The following ATG7 variants were observed in gnomAD, a reference collection of about 807,000 sequenced individuals.
ATG7 encodes the protein ubiquitin-like modifier-activating enzyme ATG7.
Under a neutral mutation model 82.4 loss-of-function variants are expected in ATG7, and 70 were observed. The observed-to-expected ratio is 0.85, with a 90% CI of 0.70 to 1.04. The LOEUF is 1.04. Among genes scored for constraint, ATG7 ranks in the 50% least tolerant of loss-of-function variants. The pLI is 0.00. For synonymous variants in ATG7, 287 were observed against 313.0 expected, an observed-to-expected ratio of 0.92 and a Z score of 0.88; for missense variants, 792 against 864.3, an observed-to-expected ratio of 0.92 and a Z score of 1.05.
the ATG7 span, among the ~76,000 whole-genome samples, chr3:11,565,613 C>T: frequency 8.5e-5 from 13 of 152,228 alleles, no homozygotes; most frequent in Non-Finnish European, 1.3e-4. The surrounding 1 kb of genome is among the most constrained non-coding windows in gnomAD (Gnocchi z 4.1). Flanking sequence ...GGCACGTGCT[C>T]TGGGGTTCCC....
intron 1 of ATG7, among the ~76,000 whole-genome samples, chr3:11,279,449 G>C (rs1942584096): frequency 6.6e-6 from 1 of 152,218 alleles, no homozygotes; most frequent in Admixed American, 6.5e-5. Context: ...ACTTTGGGAG[G>C]CCGAGGCGGG....
intron 18 of ATG7, among the ~76,000 whole-genome samples, chr3:11,365,942 G>A (rs968188066): frequency 1.3e-5 from 2 of 152,096 alleles, no homozygotes. Context: ...CTTGTGGGCC[G>A]GGCGCGGTGA....
At chr3:11,558,239 C>T (rs567702089), downstream of ATG7, 7 of 428,852 alleles carry the variant, frequency 1.6e-5, no homozygotes, top group African/African-American at 3.9e-5. Flanking sequence ...ACTGAGAAAG[C>T]GCTGTGGAGT....
chr3:11,482,025 C>T lies in ATG7; in HGVS notation c.2079+55099C>T, dbSNP rs531008394. The stretch of plus-strand genomic sequence containing the variant: ...GACAAAGGGCTGTAATGAAATGGGG[C>T]TTCAAGGAGCCCTTAATTCTCCACG... On this transcript the variant is annotated intron_variant, in intron 20 of 20. Coordinates refer to ENST00000693202, the MANE Select transcript of ATG7 (RefSeq NM_001349232.2). 1.7e-3 allele frequency among the ~76,000 whole-genome samples: 257 copies of T among 152,298 alleles called. 1 individual carries two copies. Among genetic ancestry groups the T allele is most frequent in the African/African-American group, 5.3e-3 (219 of 41,552 alleles).
In ATG7 at chr3:11,303,668, T is replaced by TAA. The variant is rs1309840061; in HGVS notation, c.216-3263_216-3262dup. ...GGGCGACAGAGCGAGACTCCGTCTCTAAAAAAAAAAAAAGAATTTTCCTTT... is the reference window on the plus strand; with the variant it reads ...GGGCGACAGAGCGAGACTCCGTCTCTAAAAAAAAAAAAAAAGAATTTTCCTTT... On this transcript the variant is annotated intron_variant, in intron 5 of 20. Transcript: ENST00000693202. 2.1e-3 allele frequency among the ~76,000 whole-genome samples: 284 copies of TAA among 132,752 alleles called. 1 individual carries two copies. Among genetic ancestry groups the TAA allele is most frequent in the African/African-American group, 7.0e-3 (254 of 36,362 alleles). The allele number at this position is 132,752 out of a possible 152,430, so 87.1% of individuals were successfully genotyped here.
chr3:11,493,941 CTG>C (rs1337931803), intron 20 of ATG7, among the ~76,000 whole-genome samples: 1 of 152,140 alleles, frequency 6.6e-6, no homozygotes, highest in African/African-American at 2.4e-5. Flanking sequence ...TGACTGGAAA[CTG>C]TGTTATAAGA....
intron 20 of ATG7, among the ~76,000 whole-genome samples, chr3:11,450,090 A>G (rs1393765130): frequency 6.6e-6 from 1 of 152,196 alleles, no homozygotes; most frequent in Non-Finnish European, 1.5e-5. Context: ...TCTCTTGAGA[A>G]CTTGCTGTGT....
intron 11 of ATG7, among the ~76,000 whole-genome samples, chr3:11,334,567 C>A (rs1162315492): frequency 6.6e-6 from 1 of 151,338 alleles, no homozygotes; most frequent in Non-Finnish European, 1.5e-5. Context: ...TTAGCTTGTT[C>A]CTTATATCAT....
At chr3:11,575,621 A>G in the ATG7 span, among the ~76,000 whole-genome samples, 6 of 152,222 alleles carry the variant, frequency 3.9e-5, no homozygotes, top group Non-Finnish European at 8.8e-5. Flanking sequence ...CCGCTTAAAG[A>G]AAGATCCCAG....
At chr3:11,548,095 T>C (rs1325210582) in intron 20 of ATG7, among the ~76,000 whole-genome samples, 1 of 152,192 alleles carries the variant, frequency 6.6e-6, no homozygotes, top group African/African-American at 2.4e-5. Context: ...CTTCCCACCT[T>C]GGCCTCCCAA....
intron 20 of ATG7, among the ~76,000 whole-genome samples, chr3:11,512,424 G>A (rs1189658512): frequency 6.6e-6 from 1 of 152,190 alleles, no homozygotes; most frequent in Non-Finnish European, 1.5e-5. Flanking sequence ...TCTGAGCTTT[G>A]GTTCTGTCAT....
chr3:11,513,856 C>T (rs1438324237), intron 20 of ATG7, among the ~76,000 whole-genome samples: 1 of 152,240 alleles, frequency 6.6e-6, no homozygotes, highest in African/African-American at 2.4e-5. Context: ...GCAAGAATAT[C>T]GTAGCTGCTG....
At chr3:11,465,034 T>C (rs927592554) in intron 20 of ATG7, among the ~76,000 whole-genome samples, 1 of 116,620 alleles carries the variant, frequency 8.6e-6, no homozygotes, top group South Asian at 3.5e-4. Flanking sequence ...AGAGAAGTCA[T>C]TGGCTGTAAA....
intron 20 of ATG7, among the ~76,000 whole-genome samples, chr3:11,458,156 A>C (rs2085930616): frequency 6.6e-6 from 1 of 152,060 alleles, no homozygotes; most frequent in Admixed American, 6.6e-5. Context: ...TTTCAAATTT[A>C]AATTGGCTAC....
At chr3:11,432,707 A>AT (rs894033834) in intron 20 of ATG7, among the ~76,000 whole-genome samples, 13 of 152,134 alleles carry the variant, frequency 8.5e-5, no homozygotes, top group African/African-American at 3.1e-4. Context: ...TTATAGTTAC[A>AT]TTCTGCTCAT....
chr3:11,551,521 A>G (rs1421130805), intron 20 of ATG7, among the ~76,000 whole-genome samples: 2 of 152,210 alleles, frequency 1.3e-5, no homozygotes, highest in Admixed American at 6.5e-5. Flanking sequence ...TAGAGGCTTC[A>G]TATGGATTCT....
At chr3:11,324,134 G>A (rs995802810) in intron 9 of ATG7, among the ~76,000 whole-genome samples, 1 of 152,162 alleles carries the variant, frequency 6.6e-6, no homozygotes, top group Non-Finnish European at 1.5e-5. Flanking sequence ...CTTCAGTTAC[G>A]TTGAGCTTCT....
At chr3:11,510,383 A>T (rs1192761455) in intron 20 of ATG7, 14 of 148,678 alleles carry the variant, frequency 9.4e-5, no homozygotes, top group South Asian at 1.5e-4. Flanking sequence ...GCCCCAGTTT[A>T]AAAAAAAAAA....
chr3:11,392,475 A>AAAAC (rs1553640638), intron 19 of ATG7, among the ~76,000 whole-genome samples: 23 of 92,296 alleles, frequency 2.5e-4, no homozygotes, highest in Non-Finnish European at 5.0e-4. Context: ...AACAAACAAA[A>AAAAC]AAAACAAAAC....
Sources: allele counts gnomAD v4.1 joint callset (sites outside exome capture counted in the v4.1 genomes callset), GRCh38; gene constraint gnomAD v4.1.1; non-coding constraint Gnocchi (gnomAD v3.1); transcripts MANE v1.5; gene names NCBI Gene and HGNC (gene_info 2026-07-23, HGNC 2026-07-21).